GNA11: variants seen among roughly 807,000 people sequenced by gnomAD.
GNA11 encodes the protein guanine nucleotide-binding protein subunit alpha-11.
GNA11 carries 8 observed loss-of-function variants against 38.2 expected under a neutral mutation model. The observed-to-expected ratio is 0.21, with a 90% confidence interval of 0.12 to 0.38. GNA11 has a LOEUF of 0.38. Ranked by LOEUF, GNA11 falls within the 10% of genes least tolerant of loss-of-function variation. The pLI is 1.00. For missense variants in GNA11, 268 were observed against 516.3 expected (o/e 0.52, Z 4.66); for synonymous variants, 211 against 221.4 (o/e 0.95, Z 0.42).
intron 4 of GNA11, chr19:3,118,594 T>G: frequency 3.3e-6 from 1 of 302,756 alleles, no homozygotes; most frequent in Non-Finnish European, 6.3e-6. Flanking sequence ...ATGCCAGATG[T>G]AGGGTCCCTG....
chr19:3,114,880 C>T (rs983661764), intron 3 of GNA11, 64 bp from the exon 4 acceptor site: 10 of 1,501,226 alleles, frequency 6.7e-6, no homozygotes, highest in Non-Finnish European at 9.1e-6. Flanking sequence ...GGTTTGGGTG[C>T]TGTGTCCCTG....
Position 3,122,566 on chromosome 19 carries a change from T to G in GNA11, c.*1387T>G. The G allele has an allele frequency of 4.3e-6, 1 of 232,920 alleles. No homozygotes were observed. Among genetic ancestry groups the G allele is most frequent in the East Asian group, 6.1e-5 (1 of 16,518 alleles). The allele number at this position is 232,920 out of a possible 1,614,324, so 14.4% of individuals were successfully genotyped here. A position where few individuals can be genotyped will look rare whatever the true frequency, so the allele number is the denominator to read the frequency against. On this transcript the variant is annotated 3_prime_UTR_variant, in exon 7 of 7. Coordinates refer to ENST00000078429, the MANE Select transcript of GNA11 (RefSeq NM_002067.5). The surrounding 1 kb of genome is among the most constrained non-coding windows in gnomAD (Gnocchi z 7.7). The stretch of plus-strand genomic sequence containing the variant: ...CTCGGAAGGTGGGGAACGAGGGGAC[T>G]GTGTTTGGGGAGGTGGCTTTTTCGT...
Position 3,121,316 on chromosome 19 carries a change from ATT to A in GNA11, c.*141_*142del. The A allele has an allele frequency of 1.6e-6, 1 of 607,954 alleles. No homozygotes were observed. Among genetic ancestry groups the A allele is most frequent in the Non-Finnish European group, 2.9e-6 (1 of 342,392 alleles). The allele number at this position is 607,954 out of a possible 1,614,324, so 37.7% of individuals were successfully genotyped here. A position where few individuals can be genotyped will look rare whatever the true frequency, so the allele number is the denominator to read the frequency against. On this transcript the variant is annotated 3_prime_UTR_variant, in exon 7 of 7. Transcript: ENST00000078429. ...GCGGGAGGAGATTTTTTTTTTTCAT[ATT>A]TTTAACAAATGGTTTTTATTTCACA...
rs779989113 is a variant in GNA11, at chr19:3,094,660, G to C, written c.9G>C (p.Leu3=). 1 of 1,525,514 alleles carries C rather than the reference G, an allele frequency of 6.6e-7. No homozygotes were observed. Among genetic ancestry groups the C allele is most frequent in the Non-Finnish European group, 8.8e-7 (1 of 1,135,006 alleles). The allele number at this position is 1,525,514 out of a possible 1,614,324, so 94.5% of individuals were successfully genotyped here. The change falls in exon 1 of 7, where the codon CTG becomes CTC. Residue 3 remains leucine (L), a synonymous_variant. Coordinates refer to ENST00000078429, the MANE Select transcript of GNA11 (RefSeq NM_002067.5). The surrounding 1 kb of genome is among the most constrained non-coding windows in gnomAD (Gnocchi z 6.0). MT[L]ESMMACCLSD... Reference sequence around the variant, plus strand: ...CGGCCGGGGCCGGGACGATGACTCTGGAGTCCATGATGGCGTGTTGCCTGA... The same window carrying C: ...CGGCCGGGGCCGGGACGATGACTCTCGAGTCCATGATGGCGTGTTGCCTGA...
chr19:3,101,217 T>C (rs188680675), intron 1 of GNA11, among the ~76,000 whole-genome samples: 72 of 152,286 alleles, frequency 4.7e-4, no homozygotes, highest in South Asian at 1.0e-3. Context: ...GTTGCTATTG[T>C]TAACCGTGTC....
chr19:3,104,682 G>A (rs1300791652), intron 1 of GNA11, among the ~76,000 whole-genome samples: 3 of 152,190 alleles, frequency 2.0e-5, no homozygotes, highest in African/African-American at 4.8e-5. Flanking sequence ...TGTACACAGC[G>A]CCTTCTGCAT....
Position 3,094,852 on chromosome 19 carries a change from C to A in GNA11, c.136+65C>A. On this transcript the variant is annotated intron_variant, in intron 1 of 6. Coordinates refer to ENST00000078429, the MANE Select transcript of GNA11 (RefSeq NM_002067.5). The surrounding 1 kb of genome is among the most constrained non-coding windows in gnomAD (Gnocchi z 6.0). Reference sequence around the variant, plus strand: ...CCTGCCTGTGCCTGCCCTGCCTGTCCGGGTCGGGCCGGGACCCTCCGGGGT... The same window carrying A: ...CCTGCCTGTGCCTGCCCTGCCTGTCAGGGTCGGGCCGGGACCCTCCGGGGT... The A allele has an allele frequency of 8.0e-7, 1 of 1,254,858 alleles. No homozygotes were observed. The highest frequency in any genetic ancestry group is 1.6e-5 in the African/African-American group (1 of 63,834). 77.7% of individuals were successfully genotyped at this position (1,254,858 alleles called of 1,614,324 possible).
chr19:3,096,464 C>T (rs796437537), intron 1 of GNA11, among the ~76,000 whole-genome samples: 5 of 152,288 alleles, frequency 3.3e-5, no homozygotes, highest in African/African-American at 1.2e-4. Context: ...ATGGCCTTGC[C>T]CTGTGGCTCT....
At chr19:3,105,463 G>C (rs1282459920) in intron 1 of GNA11, among the ~76,000 whole-genome samples, 2 of 151,758 alleles carry the variant, frequency 1.3e-5, no homozygotes, top group African/African-American at 2.4e-5. Flanking sequence ...TTGGTGTAGG[G>C]GGTGGTTGTG....
rs1599301185 is a variant in GNA11 at position 3,108,707 on chromosome 19, C to G, written c.137-1442C>G. Among the ~76,000 whole-genome samples the G allele has an allele frequency of 6.6e-6, 1 of 152,186 alleles. No homozygotes were observed. The highest frequency in any genetic ancestry group is 2.1e-4 in the South Asian group (1 of 4,830). ...AACTTCGCAACTTAAATTAACAAAA[C>G]TTATTTCAGATAGTTTCTGAGGGTT... On this transcript the variant is annotated intron_variant, in intron 1 of 6. Transcript: ENST00000078429. This position sits in a 1 kb window ranked among gnomAD's most constrained non-coding sequence, Gnocchi z 4.5.
chr19:3,107,105 G>A (rs533574745), intron 1 of GNA11, among the ~76,000 whole-genome samples: 10 of 152,186 alleles, frequency 6.6e-5, no homozygotes, highest in African/African-American at 1.7e-4. Flanking sequence ...GCGTGGTGGC[G>A]CATGCCTGTA....
chr19:3,109,613 G>T (rs1913719900), intron 1 of GNA11, among the ~76,000 whole-genome samples: 1 of 152,232 alleles, frequency 6.6e-6, no homozygotes, highest in Non-Finnish European at 1.5e-5. Flanking sequence ...TGGGTGCTTG[G>T]TGCGCAGGGG....
At position 3,108,007 on chromosome 19, in the gene GNA11, T is replaced by C. The variant is rs555681606; in HGVS notation, c.137-2142T>C. ...AGGTGAGGGCTGAGAGGTGGATTACTACCTGAGACAATCAAAATCAATTTT... is the reference window on the plus strand; with the variant it reads ...AGGTGAGGGCTGAGAGGTGGATTACCACCTGAGACAATCAAAATCAATTTT... On this transcript the variant is annotated intron_variant, in intron 1 of 6. Coordinates refer to ENST00000078429, the MANE Select transcript of GNA11 (RefSeq NM_002067.5). This position sits in a 1 kb window ranked among gnomAD's most constrained non-coding sequence, Gnocchi z 4.5. Among the ~76,000 whole-genome samples the C allele has an allele frequency of 2.0e-5, 3 of 152,342 alleles. No homozygotes were observed. The highest frequency in any genetic ancestry group is 4.4e-5 in the Non-Finnish European group (3 of 68,032).
At chr19:3,113,864 T>A (rs1040299450) in intron 3 of GNA11, among the ~76,000 whole-genome samples, 2 of 152,110 alleles carry the variant, frequency 1.3e-5, no homozygotes, top group Admixed American at 1.3e-4. Flanking sequence ...GCCGTCTCGC[T>A]CCTGCCTGGG....
Position 3,110,411 on chromosome 19 carries a change from A to G in GNA11, c.321+78A>G, listed in dbSNP as rs1312330049. ...TGGTGAGCATGGTGGCCGCGCTGCCAGGGTGGGGCCATGCCGGGGGTCCCG... is the reference window on the plus strand; with the variant it reads ...TGGTGAGCATGGTGGCCGCGCTGCCGGGGTGGGGCCATGCCGGGGGTCCCG... On this transcript the variant is annotated intron_variant, in intron 2 of 6. Transcript: ENST00000078429. The surrounding 1 kb of genome is among the most constrained non-coding windows in gnomAD (Gnocchi z 5.4). 4 of 1,213,414 alleles carry G rather than the reference A, an allele frequency of 3.3e-6. No homozygotes were observed. The highest frequency in any genetic ancestry group is 1.4e-5 in the South Asian group (1 of 73,520). The allele number at this position is 1,213,414 out of a possible 1,614,324, so 75.2% of individuals were successfully genotyped here. A position where few individuals can be genotyped will look rare whatever the true frequency, so the allele number is the denominator to read the frequency against.
At chr19:3,118,857 C>A (rs144580097) in intron 4 of GNA11, 67 bp from the exon 5 acceptor site, 1 of 1,494,204 alleles carries the variant, frequency 6.7e-7, no homozygotes, top group Non-Finnish European at 9.2e-7. Context: ...GGGTGGGAGC[C>A]GTCCTGGGAT....
intron 1 of GNA11, among the ~76,000 whole-genome samples, chr19:3,105,554 A>G (rs1039499143): frequency 6.6e-6 from 1 of 152,086 alleles, no homozygotes; most frequent in Admixed American, 6.6e-5. Flanking sequence ...CAGTGCCCTC[A>G]TGAAAGAGCC....
intron 1 of GNA11, among the ~76,000 whole-genome samples, chr19:3,104,887 C>T (rs956457511): frequency 1.3e-5 from 2 of 152,100 alleles, no homozygotes; most frequent in African/African-American, 2.4e-5. Flanking sequence ...GGGGGTTCTC[C>T]GGGCGTTTGG....
Position 3,120,926 on chromosome 19 carries a change from G to A in GNA11, c.890-63G>A, listed in dbSNP as rs1914055619. ...GCTCATCCCCTGGGAGTGACAAAGG[G>A]GCCCACGAGTCCCTTGCCCTGGGCC... On this transcript the variant is annotated intron_variant, in intron 6 of 6. Coordinates refer to ENST00000078429, the MANE Select transcript of GNA11 (RefSeq NM_002067.5). This position sits in a 1 kb window ranked among gnomAD's most constrained non-coding sequence, Gnocchi z 5.9. 7.9e-7 allele frequency: 1 copy of A among 1,264,146 alleles called. No homozygotes were observed. Among genetic ancestry groups the A allele is most frequent in the Non-Finnish European group, 1.1e-6 (1 of 888,980 alleles). The allele number at this position is 1,264,146 out of a possible 1,614,324, so 78.3% of individuals were successfully genotyped here.
Sources: gnomAD v4.1 joint callset for allele counts (sites outside exome capture counted in the v4.1 genomes callset) on GRCh38, gnomAD v4.1.1 for gene constraint, Gnocchi (gnomAD v3.1) non-coding constraint, MANE v1.5 for transcripts, NCBI Gene and HGNC (gene_info 2026-07-23, HGNC 2026-07-21) for gene names.